HEXB: variants seen among roughly 807,000 people sequenced by gnomAD.
The protein encoded by HEXB is beta-hexosaminidase subunit beta.
In HEXB, 51 loss-of-function variants were observed where a neutral mutation model predicts 71.2. The ratio of observed to expected loss-of-function variants is 0.72; its 90% confidence interval spans 0.57 to 0.90. HEXB has a LOEUF of 0.90. Among genes scored for constraint, HEXB ranks in the 40% least tolerant of loss-of-function variants. The pLI, the probability that HEXB is intolerant of heterozygous loss-of-function variation, is 0.00. For missense variants in HEXB, 617 were observed against 677.0 expected (o/e 0.91, Z 0.98); for synonymous variants, 266 against 249.3 (o/e 1.07, Z -0.63).
intron 1 of HEXB, among the ~76,000 whole-genome samples, chr5:74,669,979 G>A (rs150422006): frequency 6.4e-4 from 97 of 152,282 alleles, no homozygotes; most frequent in African/African-American, 2.3e-3. Flanking sequence ...ATAGCAGCAG[G>A]AGGCAGACCA....
intron 5 of HEXB, among the ~76,000 whole-genome samples, chr5:74,701,986 A>C (rs954847684): frequency 2.6e-5 from 4 of 151,440 alleles, no homozygotes; most frequent in African/African-American, 9.7e-5. Flanking sequence ...TAGGTTCCAC[A>C]TCCCATCCAA....
chr5:74,721,197 A>C lies in HEXB; in HGVS notation c.*22A>C, dbSNP rs1048088. On this transcript the variant is annotated 3_prime_UTR_variant, in exon 14 of 14. Transcript: ENST00000261416. The stretch of plus-strand genomic sequence containing the variant: ...GTAAAAAATGGAGGGGAAAAAGGCC[A>C]CAGCAATCTGTACTACAATCAACTT... 1 of 1,573,948 alleles carries C rather than the reference A, an allele frequency of 6.4e-7. No individual in the cohort carries two copies. The highest frequency in any genetic ancestry group is 8.7e-7 in the Non-Finnish European group (1 of 1,143,526).
intron 6 of HEXB, chr5:74,705,581 C>A: frequency 2.3e-6 from 1 of 443,120 alleles, no homozygotes; most frequent in Non-Finnish European, 4.1e-6. Context: ...AGGTAGAAGC[C>A]CTGAATAATT....
chr5:74,720,857 C>G, intron 13 of HEXB, 110 bp downstream of exon 13: 1 of 924,630 alleles, frequency 1.1e-6, no homozygotes, highest in Non-Finnish European at 1.7e-6. Context: ...TTAGAAGAAA[C>G]CAGGAATTAT....
intron 1 of HEXB, among the ~76,000 whole-genome samples, chr5:74,672,785 G>T (rs763078893): frequency 6.6e-6 from 1 of 152,132 alleles, no homozygotes; most frequent in East Asian, 1.9e-4. Context: ...GTCCCCTCCC[G>T]GTTCAGCTTT....
rs1175708801 is a variant in HEXB, at chr5:74,721,283, A to G, written c.*108A>G. On this transcript the variant is annotated 3_prime_UTR_variant, in exon 14 of 14. Transcript: ENST00000261416. ...TTTTTTGAATAAAATATTTTTATTG[A>G]TTGAACCTTTGACCCTCTATCTTAT... The G allele has an allele frequency of 1.1e-6, 1 of 948,362 alleles. No individual in the cohort carries two copies. The highest frequency in any genetic ancestry group is 1.7e-6 in the Non-Finnish European group (1 of 591,328). 58.7% of individuals were successfully genotyped at this position (948,362 alleles called of 1,614,324 possible). A position where few individuals can be genotyped will look rare whatever the true frequency, so the allele number is the denominator to read the frequency against.
intron 1 of HEXB, among the ~76,000 whole-genome samples, chr5:74,661,921 G>A (rs1027112179): frequency 6.6e-6 from 1 of 152,126 alleles, no homozygotes; most frequent in African/African-American, 2.4e-5. Flanking sequence ...AATACCAAGT[G>A]CTTCCTGGTT....
rs148904036 is a variant in HEXB at position 74,657,598 on chromosome 5, G to A, written c.-377+17040G>A. Among the ~76,000 whole-genome samples, 914 of 152,236 alleles carry A rather than the reference G, an allele frequency of 6.0e-3. 24 individuals carry two copies. Among genetic ancestry groups the A allele is most frequent in the Admixed American group, 0.05 (770 of 15,302 alleles). On this transcript the variant is annotated intron_variant, in intron 1 of 13. Transcript: ENST00000511181. ...GAAGAACTTTGTCTATTTTGCTCTC[G>A]GCTGATTCCTCATGCACAAAAAATA...
chr5:74,670,918 G>C (rs1748524974), intron 1 of HEXB, among the ~76,000 whole-genome samples: 1 of 152,122 alleles, frequency 6.6e-6, no homozygotes, highest in African/African-American at 2.4e-5. Context: ...TAGTCACGGT[G>C]GCTGCAGGAT....
chr5:74,708,813 A>G (rs932008665), intron 6 of HEXB, among the ~76,000 whole-genome samples: 4 of 151,818 alleles, frequency 2.6e-5, no homozygotes, highest in African/African-American at 9.7e-5. Context: ...TGACCTACAA[A>G]GAGACTTAGA....
chr5:74,700,974 C>T (rs1259617266), intron 5 of HEXB, among the ~76,000 whole-genome samples: 1 of 152,108 alleles, frequency 6.6e-6, no homozygotes, highest in Non-Finnish European at 1.5e-5. Context: ...TCCCGAAGTG[C>T]TGGGATTACA....
chr5:74,681,749 G>A (rs1748742779), upstream of HEXB, among the ~76,000 whole-genome samples: 1 of 152,112 alleles, frequency 6.6e-6, no homozygotes. Flanking sequence ...ATTCCTAAAT[G>A]CCCACAGTCA....
chr5:74,670,799 G>C (rs1748521121), intron 1 of HEXB, among the ~76,000 whole-genome samples: 1 of 152,106 alleles, frequency 6.6e-6, no homozygotes, highest in Non-Finnish European at 1.5e-5. Context: ...CAACACGCCT[G>C]GTCCAGCCAC....
intron 5 of HEXB, among the ~76,000 whole-genome samples, chr5:74,697,912 A>G (rs1749151586): frequency 6.6e-6 from 1 of 152,056 alleles, no homozygotes; most frequent in South Asian, 2.1e-4. Context: ...TGGGTTAGGA[A>G]GAAGGTTGAC....
intron 5 of HEXB, among the ~76,000 whole-genome samples, chr5:74,700,365 G>T (rs1749234133): frequency 1.3e-5 from 2 of 151,452 alleles, no homozygotes; most frequent in African/African-American, 4.9e-5. Flanking sequence ...TTCTTTATTG[G>T]TTTAATGTTT....
chr5:74,705,195 A>G (rs1580388881), intron 5 of HEXB, 24 bp from the exon 6 acceptor site: 1 of 1,401,076 alleles, frequency 7.1e-7, no homozygotes. Flanking sequence ...GCAGTAAATA[A>G]TTTTTAAATA....
chr5:74,651,322 G>A (rs575345819), intron 1 of HEXB, among the ~76,000 whole-genome samples: 5 of 152,280 alleles, frequency 3.3e-5, no homozygotes, highest in South Asian at 2.1e-4. Flanking sequence ...AACCCTTAGC[G>A]CAGCACACAG....
Position 74,685,273 on chromosome 5 carries a change from G to C in HEXB, c.13G>C (p.Gly5Arg). The C allele has an allele frequency of 6.5e-7, 1 of 1,536,816 alleles. No individual in the cohort carries two copies. Among genetic ancestry groups the C allele is most frequent in the Non-Finnish European group, 8.7e-7 (1 of 1,147,576 alleles). MELC[G>R]LGLPRPPMLL... ...CAGCCGAGCGGCCATGGAGCTGTGC[G>C]GGCTGGGGCTGCCCCGGCCGCCCAT... Residue 5 changes from glycine to arginine, a missense_variant, in exon 1 of 14, where the codon GGG becomes CGG. By Grantham distance (125) the Gly-to-Arg change is moderately radical (BLOSUM62 -2). Transcript: ENST00000261416.
upstream of HEXB, among the ~76,000 whole-genome samples, chr5:74,681,050 T>C (rs1022045381): frequency 6.6e-6 from 1 of 152,202 alleles, no homozygotes; most frequent in African/African-American, 2.4e-5. Flanking sequence ...TGTGGTATCG[T>C]GAGCAAACCA....
Sources: allele counts gnomAD v4.1 joint callset (sites outside exome capture counted in the v4.1 genomes callset), GRCh38; gene constraint gnomAD v4.1.1; transcripts MANE v1.5; gene names NCBI Gene and HGNC (gene_info 2026-07-23, HGNC 2026-07-21).